LAMC3: variants seen among roughly 807,000 people sequenced by gnomAD.
LAMC3 encodes laminin subunit gamma 3.
Under a neutral mutation model 173.8 loss-of-function variants are expected in LAMC3, and 128 were observed. The ratio of observed to expected loss-of-function variants is 0.74; its 90% CI spans 0.64 to 0.85. The LOEUF (loss-of-function observed/expected upper bound fraction) is 0.85, where lower values mean the gene tolerates loss of function less well. Ranked by LOEUF, LAMC3 falls within the 40% of genes least tolerant of loss-of-function variation. The probability of loss-of-function intolerance (pLI) is 0.00; values close to 1 mark genes in which losing one functional copy is unlikely to be tolerated. For synonymous variants in LAMC3, 897 were observed against 909.1 expected (o/e 0.99, Z 0.24); for missense variants, 2,022 against 2,156.0 (o/e 0.94, Z 1.23).
chr9:131,052,839 T>TCTC lies in LAMC3; in HGVS notation c.1824-10_1824-8dup. The TCTC allele has an allele frequency of 6.3e-7, 1 of 1,584,570 alleles. No individual in the cohort carries two copies. ...ATGTCGGGATCTCACTTTGACCGCTTCTCTCGCCAGCCTGCAGGAGACCTC... is the reference window on the plus strand; with the variant it reads ...ATGTCGGGATCTCACTTTGACCGCTTCTCCTCTCGCCAGCCTGCAGGAGACCTC... On this transcript the variant is annotated splice_polypyrimidine_tract_variant and intron_variant, in intron 10 of 27. Coordinates refer to ENST00000361069, the MANE Select transcript of LAMC3 (RefSeq NM_006059.4).
intron 21 of LAMC3, 98 bp from the exon 22 acceptor site, chr9:131,077,089 C>A: frequency 6.5e-7 from 1 of 1,529,128 alleles, no homozygotes; most frequent in Non-Finnish European, 9.0e-7. Context: ...GGGAAGTTGG[C>A]AGAGGCCTTT....
At position 131,077,185 on chromosome 9, in the gene LAMC3, A is replaced by G; in HGVS notation, c.3630-2A>G. ...AGCTCCGTGGCCTCTGCTTCCTCCC[A>G]GGTACCAGGAGGTCCAGGCGGCCCA... On this transcript the variant is annotated splice_acceptor_variant, in intron 21 of 27. Transcript: ENST00000361069. LOFTEE classifies it high-confidence loss of function. The G allele has an allele frequency of 6.2e-7, 1 of 1,613,424 alleles. No homozygotes were observed. The highest frequency in any genetic ancestry group is 8.5e-7 in the Non-Finnish European group (1 of 1,179,998).
intron 22 of LAMC3, among the ~76,000 whole-genome samples, chr9:131,078,440 G>T (rs182217362): frequency 3.5e-3 from 527 of 152,286 alleles, no homozygotes; most frequent in South Asian, 6.6e-3. Flanking sequence ...AGCTGAGATT[G>T]CGCCACTGCA....
At chr9:131,076,802 G>A (rs1200257319) in intron 21 of LAMC3, among the ~76,000 whole-genome samples, 1 of 152,184 alleles carries the variant, frequency 6.6e-6, no homozygotes, top group Non-Finnish European at 1.5e-5. Context: ...CTCTGGAAAG[G>A]GCATGGCCGA....
intron 1 of LAMC3, among the ~76,000 whole-genome samples, chr9:131,025,940 G>A (rs1384031183): frequency 6.6e-6 from 1 of 152,170 alleles, no homozygotes; most frequent in East Asian, 1.9e-4. Flanking sequence ...ACTTTCTAAC[G>A]GTAGAGCAGG....
intron 21 of LAMC3, 74 bp from the exon 22 acceptor site, chr9:131,077,113 T>A (rs1423057388): frequency 6.3e-7 from 1 of 1,596,118 alleles, no homozygotes; most frequent in Non-Finnish European, 8.5e-7. Context: ...AACCAGTGGC[T>A]CCAGCCTGGG....
chr9:131,015,873 G>A (rs1383716915), intron 1 of LAMC3, among the ~76,000 whole-genome samples: 2 of 152,150 alleles, frequency 1.3e-5, no homozygotes, highest in African/African-American at 2.4e-5. Context: ...GGCCAGACTG[G>A]TCTCGAACTC....
At chr9:131,071,376 G>A in intron 17 of LAMC3, 108 bp from the exon 18 acceptor site, 1 of 1,327,964 alleles carries the variant, frequency 7.5e-7, no homozygotes, top group East Asian at 2.3e-5. Flanking sequence ...GGGAGGATTT[G>A]GAGAAGGGAA....
At position 131,049,062 on chromosome 9, in the gene LAMC3, A is replaced by AC; in HGVS notation, c.1568dup (p.Gln524ThrfsTer67). 1.3e-6 allele frequency: 2 copies of AC among 1,551,214 alleles called. No homozygotes were observed. The highest frequency in any genetic ancestry group is 1.7e-6 in the Non-Finnish European group (2 of 1,146,746). ...GCCAGAAGTGTGGGGGGCTCTGAGC[A>AC]CCCCCCACAATGGAGCCCAAATGGG... On this transcript the variant is annotated frameshift_variant, in exon 9 of 28. Coordinates refer to ENST00000361069, the MANE Select transcript of LAMC3 (RefSeq NM_006059.4). LOFTEE classifies it high-confidence loss of function.
intron 1 of LAMC3, among the ~76,000 whole-genome samples, chr9:131,022,885 C>T (rs1232536654): frequency 6.6e-6 from 1 of 151,984 alleles, no homozygotes; most frequent in Non-Finnish European, 1.5e-5. Context: ...GCTTGGAACA[C>T]CTTTATTACC....
chr9:131,082,134 G>T lies in LAMC3; in HGVS notation c.4003G>T (p.Ala1335Ser). ...GGCTGCGACAGTGACTGTCATGGGA[G>T]CCAGGACTCTGCTGGCTGATCTGGA... is the stretch of plus-strand genomic sequence containing the variant. The part of the protein sequence containing the change: ...VQAATVTVMG[A>S]RTLLADLEGM... The change falls in exon 24 of 28, where the codon GCC becomes TCC. Residue 1335 changes from alanine to serine, a missense_variant. Transcript: ENST00000361069. 2 of 1,613,748 alleles carry T rather than the reference G, an allele frequency of 1.2e-6. No individual in the cohort carries two copies. Among genetic ancestry groups the T allele is most frequent in the African/African-American group, 1.3e-5 (1 of 75,060 alleles).
At chr9:131,032,427 G>C (rs1564368159) in intron 3 of LAMC3, among the ~76,000 whole-genome samples, 1 of 151,070 alleles carries the variant, frequency 6.6e-6, no homozygotes, top group African/African-American at 2.4e-5. Flanking sequence ...CAGCCTGGAG[G>C]TTCCTTCCTT....
At position 131,073,134 on chromosome 9, in the gene LAMC3, A is replaced by G. The variant is rs1389650414; in HGVS notation, c.3418-111A>G. 1.6e-5 allele frequency: 14 copies of G among 869,174 alleles called. No homozygotes were observed. The East Asian group carries it at 3.4e-4, about 21-fold the overall frequency. 53.8% of individuals were successfully genotyped at this position (869,174 alleles called of 1,614,324 possible). On this transcript the variant is annotated intron_variant, in intron 19 of 27. Coordinates refer to ENST00000361069, the MANE Select transcript of LAMC3 (RefSeq NM_006059.4). ...GCCGATGTTGTGGCCAGCTTTGTGC[A>G]TTTATAAAACGACGGGTGCCATCCA...
chr9:131,067,931 T>C (rs1270059605), intron 14 of LAMC3, 147 bp from the exon 15 acceptor site: 15 of 876,342 alleles, frequency 1.7e-5, no homozygotes, highest in South Asian at 5.8e-5. Context: ...CCCTGGAGCC[T>C]TTTTCCAGCA....
chr9:131,079,917 C>T lies in LAMC3; in HGVS notation c.3927+619C>T, dbSNP rs2133340719. On this transcript the variant is annotated intron_variant, in intron 23 of 27. Coordinates refer to ENST00000361069, the MANE Select transcript of LAMC3 (RefSeq NM_006059.4). ...AGTTCATTCTCTAGTTCATTCATGG[C>T]TCATTTGAAAGCTGCAGAGAAGCGG... 1.3e-5 allele frequency among the ~76,000 whole-genome samples: 2 copies of T among 152,258 alleles called. 1 individual carries two copies. Among genetic ancestry groups the T allele is most frequent in the Middle Eastern group, 6.8e-3 (2 of 294 alleles).
intron 9 of LAMC3, 65 bp from the exon 10 acceptor site, chr9:131,052,426 A>G: frequency 1.4e-6 from 2 of 1,381,416 alleles, no homozygotes; most frequent in Admixed American, 3.4e-5. Flanking sequence ...GATAAAATCA[A>G]CATAGACATT....
At chr9:131,075,791 G>T in intron 20 of LAMC3, 40 bp from the exon 21 acceptor site, 1 of 1,588,552 alleles carries the variant, frequency 6.3e-7, no homozygotes, top group Non-Finnish European at 8.6e-7. Context: ...CCCCTTCCCT[G>T]CGAGCCCTTG....
intron 25 of LAMC3, chr9:131,085,924 A>G: frequency 6.2e-6 from 4 of 645,658 alleles, no homozygotes; most frequent in Non-Finnish European, 5.7e-6. Flanking sequence ...CCCATTGTAC[A>G]GGTGAGAATG....
chr9:131,087,133 T>A (rs1427853871), intron 25 of LAMC3, among the ~76,000 whole-genome samples: 1 of 152,250 alleles, frequency 6.6e-6, no homozygotes, highest in African/African-American at 2.4e-5. Flanking sequence ...GGAAACTGTC[T>A]TTATGGTGCC....
Sources: allele counts gnomAD v4.1 joint callset (sites outside exome capture counted in the v4.1 genomes callset), GRCh38; gene constraint gnomAD v4.1.1; transcripts MANE v1.5; gene names NCBI Gene and HGNC (gene_info 2026-07-23, HGNC 2026-07-21).